The following DOCK11 variants were observed in gnomAD, a reference collection of about 807,000 sequenced individuals.
DOCK11 encodes the protein dedicator of cytokinesis protein 11.
In DOCK11, 70 loss-of-function variants were observed where a neutral mutation model predicts 169.1. That is an observed-to-expected ratio of 0.41 (90% confidence interval 0.34 to 0.51). The LOEUF is 0.51. Among genes scored for constraint, DOCK11 ranks in the 20% least tolerant of loss-of-function variants. The probability of loss-of-function intolerance (pLI) is 0.10; values close to 1 mark genes in which losing one functional copy is unlikely to be tolerated. For synonymous variants in DOCK11, 529 were observed against 541.3 expected (o/e 0.98, Z 0.32); for missense variants, 1,166 against 1,538.8 (o/e 0.76, Z 4.05).
intron 44 of DOCK11, among the ~76,000 whole-genome samples, chrX:118,657,700 G>A (rs1038768349): frequency 9.0e-6 from 1 of 111,650 alleles, no homozygotes. Flanking sequence ...AGTTAAAAAC[G>A]TAAACTGAGT....
At chrX:118,679,499 G>A (rs12010708) in intron 48 of DOCK11, among the ~76,000 whole-genome samples, 15,021 of 110,917 alleles carry the variant, frequency 0.14, 840 homozygotes, top group Admixed American at 0.25. Context: ...CAACACTAGG[G>A]GGCTGAGGCA....
rs1011277179 is a variant in DOCK11 at position 118,656,580 on chromosome X, A to G, written c.4969+1619A>G. Among the ~76,000 whole-genome samples, 4 of 112,301 alleles carry G rather than the reference A, an allele frequency of 3.6e-5. No individual in the cohort carries two copies. The East Asian group carries it at 1.1e-3, about 31-fold the overall frequency. ...TGAAATTACACACCTGAAATTCCAAATAAACTGACAAGATATGAGAACCTT... is the reference window on the plus strand; with the variant it reads ...TGAAATTACACACCTGAAATTCCAAGTAAACTGACAAGATATGAGAACCTT... On this transcript the variant is annotated intron_variant, in intron 44 of 52. Coordinates refer to ENST00000276202, the MANE Select transcript of DOCK11 (RefSeq NM_144658.4).
intron 12 of DOCK11, among the ~76,000 whole-genome samples, chrX:118,578,302 A>T (rs2013515796): frequency 8.9e-6 from 1 of 111,923 alleles, no homozygotes; most frequent in South Asian, 3.7e-4. Flanking sequence ...CACCTGCGCT[A>T]TGGAGACTAA....
At chrX:118,673,581 A>G (rs1000292262) in intron 46 of DOCK11, among the ~76,000 whole-genome samples, 2 of 112,218 alleles carry the variant, frequency 1.8e-5, no homozygotes, top group Non-Finnish European at 3.8e-5. Flanking sequence ...ATTTCCCTCC[A>G]ATTGAGCTCA....
In DOCK11 at chrX:118,627,495, C is replaced by T; in HGVS notation, c.3589-9C>T. On this transcript the variant is annotated splice_polypyrimidine_tract_variant and intron_variant, in intron 32 of 52. Transcript: ENST00000276202. Reference sequence around the variant, plus strand: ...GTTTAAATGACACAGGTATCATATTCTGTTACAGGCATCCAGAGATGAGTT... The same window carrying T: ...GTTTAAATGACACAGGTATCATATTTTGTTACAGGCATCCAGAGATGAGTT... 8.4e-7 allele frequency: 1 copy of T among 1,189,972 alleles called. No individual in the cohort carries two copies.
chrX:118,508,253 C>A (rs2057627335), intron 1 of DOCK11, among the ~76,000 whole-genome samples: 1 of 111,615 alleles, frequency 9.0e-6, no homozygotes, highest in Non-Finnish European at 1.9e-5. Flanking sequence ...TACCTGGGAT[C>A]ATTTTCATGG....
At chrX:118,647,209 TAA>T (rs2015700115) in intron 40 of DOCK11, among the ~76,000 whole-genome samples, 1 of 103,584 alleles carries the variant, frequency 9.7e-6, no homozygotes, top group Non-Finnish European at 2.0e-5. Context: ...TCCCATTTGT[TAA>T]AAGATGAACT....
rs111400255 is a variant in DOCK11, at chrX:118,591,144, C to A, written c.2139+842C>A. 1.6e-3 allele frequency among the ~76,000 whole-genome samples: 178 copies of A among 112,217 alleles called. 1 individual carries two copies. The highest frequency in any genetic ancestry group is 5.2e-3 in the African/African-American group (160 of 30,926). ...TTCTTGGCTTGGTCTGAAACCATCC[C>A]CCCGGCTGTGGTGATTTTGCCATGT... On this transcript the variant is annotated intron_variant, in intron 19 of 52. Coordinates refer to ENST00000276202, the MANE Select transcript of DOCK11 (RefSeq NM_144658.4).
intron 45 of DOCK11, among the ~76,000 whole-genome samples, 178 bp downstream of exon 45, chrX:118,662,970 C>G (rs774579024): frequency 8.9e-6 from 1 of 112,266 alleles, no homozygotes; most frequent in East Asian, 2.8e-4. Flanking sequence ...GTCTCTTGAA[C>G]TGGTCCCATT....
intron 4 of DOCK11, among the ~76,000 whole-genome samples, chrX:118,543,926 G>A (rs1009678318): frequency 2.7e-5 from 3 of 111,839 alleles, no homozygotes; most frequent in Non-Finnish European, 5.6e-5. Context: ...CTCCAGCTTG[G>A]GCGACAGATA....
chrX:118,529,046 C>T (rs756855819), intron 1 of DOCK11, among the ~76,000 whole-genome samples: 66 of 107,795 alleles, frequency 6.1e-4, no homozygotes, highest in African/African-American at 2.0e-3. Flanking sequence ...TATAGTGGCG[C>T]GATCTCGGCT....
intron 20 of DOCK11, among the ~76,000 whole-genome samples, chrX:118,596,913 C>T (rs16995224): frequency 0.023 from 2,620 of 111,638 alleles, 98 homozygotes; most frequent in African/African-American, 0.081. Context: ...GTAGCCGTGA[C>T]TTTGTGACCT....
At chrX:118,684,271 CTTT>C (rs1197326228) in intron 52 of DOCK11, among the ~76,000 whole-genome samples, 207 of 78,572 alleles carry the variant, frequency 2.6e-3, no homozygotes, top group African/African-American at 9.4e-3. Flanking sequence ...TTTTTTTTTT[CTTT>C]TTTTTTTTTT....
intron 40 of DOCK11, 110 bp downstream of exon 40, chrX:118,643,704 A>G (rs2015587441): frequency 2.3e-6 from 2 of 855,241 alleles, no homozygotes; most frequent in Admixed American, 5.9e-5. Context: ...TCATGAAGCC[A>G]TTAAGTACTG....
chrX:118,522,763 C>G (rs1181255401), intron 1 of DOCK11, among the ~76,000 whole-genome samples: 2 of 111,723 alleles, frequency 1.8e-5, no homozygotes, highest in Non-Finnish European at 3.8e-5. Flanking sequence ...TCGGGCCCAC[C>G]TGGAATCCTC....
chrX:118,626,201 G>C (rs1246381485), intron 32 of DOCK11, among the ~76,000 whole-genome samples: 3 of 108,556 alleles, frequency 2.8e-5, no homozygotes, highest in Admixed American at 1.0e-4. Flanking sequence ...GAGTAGCTGG[G>C]ACTACAGGCA....
chrX:118,622,213 A>G (rs2147480379), intron 31 of DOCK11, among the ~76,000 whole-genome samples: 1 of 111,423 alleles, frequency 9.0e-6, no homozygotes, highest in South Asian at 3.7e-4. Context: ...AGAAGCAACT[A>G]CTCTTGTGAG....
chrX:118,666,804 G>A (rs891670035), intron 45 of DOCK11, among the ~76,000 whole-genome samples: 5 of 111,679 alleles, frequency 4.5e-5, no homozygotes, highest in African/African-American at 1.3e-4. Context: ...TTCTCAAAGT[G>A]GTTGGACCGT....
intron 40 of DOCK11, among the ~76,000 whole-genome samples, chrX:118,644,938 G>A (rs948281529): frequency 7.2e-5 from 8 of 111,850 alleles, no homozygotes; most frequent in Non-Finnish European, 1.5e-4. Flanking sequence ...GTCAAAGGCA[G>A]TAAAAAGACT....
Sources: gnomAD v4.1 joint callset for allele counts (sites outside exome capture counted in the v4.1 genomes callset) on GRCh38, gnomAD v4.1.1 for gene constraint, MANE v1.5 for transcripts, NCBI Gene and HGNC (gene_info 2026-07-23, HGNC 2026-07-21) for gene names.